Variants in PCDHGA3 observed in about 807,000 individuals in gnomAD.
PCDHGA3 encodes protocadherin gamma subfamily A, 3.
PCDHGA3 carries 40 observed loss-of-function variants against 58.5 expected under a neutral mutation model. That is an observed-to-expected ratio of 0.68 (90% confidence interval 0.53 to 0.89). The LOEUF is 0.89. Ranked by LOEUF, PCDHGA3 falls within the 40% of genes least tolerant of loss-of-function variation. The pLI is 0.00. For missense variants in PCDHGA3, 1,223 were observed against 1,195.9 expected (o/e 1.02, Z -0.33); for synonymous variants, 530 against 525.7 (o/e 1.01, Z -0.11).
At position 141,486,061 on chromosome 5, in the gene PCDHGA3, C is replaced by T. The variant is rs1280895997; in HGVS notation, c.2425-8746C>T. 2 of 1,614,166 alleles carry T rather than the reference C, an allele frequency of 1.2e-6. No individual in the cohort carries two copies. Among genetic ancestry groups the T allele is most frequent in the South Asian group, 1.1e-5 (1 of 91,078 alleles). On this transcript the variant is annotated intron_variant, in intron 1 of 3. Coordinates refer to ENST00000253812, the MANE Select transcript of PCDHGA3 (RefSeq NM_018916.4). The surrounding 1 kb of genome is among the most constrained non-coding windows in gnomAD (Gnocchi z 5.0). ...GTGTAAGAAACCTCTTTAGCCTGCA[C>T]CCCACTACTGGAAAGCTTACTCTTT...
Position 141,432,076 on chromosome 5 carries a change from G to T in PCDHGA3, c.2425-62731G>T. ...CCCTATCCACGGAAACTCATATCTC[G>T]CTGAACGTGGCAGACACCAACGACA... On this transcript the variant is annotated intron_variant, in intron 1 of 3. Transcript: ENST00000253812. This position sits in a 1 kb window ranked among gnomAD's most constrained non-coding sequence, Gnocchi z 6.0. 1.2e-6 allele frequency: 2 copies of T among 1,614,160 alleles called. No homozygotes were observed. Among genetic ancestry groups the T allele is most frequent in the Non-Finnish European group, 1.7e-6 (2 of 1,180,024 alleles).
Position 141,432,701 on chromosome 5 carries a change from G to A in PCDHGA3, c.2425-62106G>A, listed in dbSNP as rs200101512. ...GCAGAGCCTCGTAGTGGCCGTCCAG[G>A]ACCACGGCCAGCCCCCTCTCTCCGC... On this transcript the variant is annotated intron_variant, in intron 1 of 3. Coordinates refer to ENST00000253812, the MANE Select transcript of PCDHGA3 (RefSeq NM_018916.4). This position sits in a 1 kb window ranked among gnomAD's most constrained non-coding sequence, Gnocchi z 6.0. The A allele has an allele frequency of 2.7e-5, 44 of 1,613,842 alleles. No homozygotes were observed. The Admixed American group carries it at 5.3e-4, about 20-fold the overall frequency.
At chr5:141,399,785 A>G (rs748714301) in intron 1 of PCDHGA3, 6 of 1,613,294 alleles carry the variant, frequency 3.7e-6, no homozygotes, top group South Asian at 1.1e-5. Context: ...GACCGAAACG[A>G]CAACGCACCG....
rs775132338 is a variant in PCDHGA3 at position 141,490,858 on chromosome 5, G to A, written c.2425-3949G>A. On this transcript the variant is annotated intron_variant, in intron 1 of 3. Coordinates refer to ENST00000253812, the MANE Select transcript of PCDHGA3 (RefSeq NM_018916.4). This position sits in a 1 kb window ranked among gnomAD's most constrained non-coding sequence, Gnocchi z 5.4. Reference sequence around the variant, plus strand: ...GATTGTGGTGGGGGTTCGAGACTCCGGCTCTCCCCCATTGCATGCCAACAC... The same window carrying A: ...GATTGTGGTGGGGGTTCGAGACTCCAGCTCTCCCCCATTGCATGCCAACAC... 14 of 1,613,704 alleles carry A rather than the reference G, an allele frequency of 8.7e-6. No homozygotes were observed. Among genetic ancestry groups the A allele is most frequent in the South Asian group, 2.2e-5 (2 of 91,068 alleles).
intron 1 of PCDHGA3, among the ~76,000 whole-genome samples, chr5:141,373,744 G>A (rs10061034): frequency 6.6e-6 from 1 of 152,096 alleles, no homozygotes; most frequent in Admixed American, 6.5e-5. Context: ...TCATTATCTT[G>A]GGGAGGGAAA....
At chr5:141,352,188 G>T (rs752131601) in intron 1 of PCDHGA3, 3 of 1,613,874 alleles carry the variant, frequency 1.9e-6, no homozygotes, top group Non-Finnish European at 1.7e-6. Context: ...GTCGCTGTGC[G>T]TGATGGAGGA....
At chr5:141,363,773 T>C (rs1763060078) in intron 1 of PCDHGA3, among the ~76,000 whole-genome samples, 1 of 152,230 alleles carries the variant, frequency 6.6e-6, no homozygotes, top group Non-Finnish European at 1.5e-5. Context: ...AAGCACGTTT[T>C]CCTAAATTTA....
At chr5:141,506,444 CAAAA>C (rs1219684339) in intron 3 of PCDHGA3, among the ~76,000 whole-genome samples, 5 of 95,022 alleles carry the variant, frequency 5.3e-5, no homozygotes, top group Admixed American at 1.1e-4. Context: ...CGCTCTGTCT[CAAAA>C]AAAAAAAAAA....
intron 1 of PCDHGA3, chr5:141,364,429 C>T (rs1297312122): frequency 1.9e-6 from 3 of 1,613,650 alleles, no homozygotes; most frequent in Admixed American, 1.7e-5. Flanking sequence ...AGATCCGCTA[C>T]TCGATGCCGG....
chr5:141,387,718 T>G, intron 1 of PCDHGA3: 1 of 1,099,216 alleles, frequency 9.1e-7, no homozygotes, highest in South Asian at 1.7e-5. Context: ...CAGCTCAGAC[T>G]CCCCAGCGCC....
intron 1 of PCDHGA3, chr5:141,422,152 G>A (rs979405624): frequency 1.3e-5 from 20 of 1,575,764 alleles, no homozygotes; most frequent in Non-Finnish European, 1.5e-5. Flanking sequence ...GGGGTCTCTG[G>A]ATTTTGAAAA....
chr5:141,357,267 C>T, intron 1 of PCDHGA3: 1 of 1,613,834 alleles, frequency 6.2e-7, no homozygotes, highest in Non-Finnish European at 8.5e-7. Context: ...ACTCGGGCCT[C>T]ACACTCTATC....
At chr5:141,467,491 A>T (rs2154569531) in intron 1 of PCDHGA3, among the ~76,000 whole-genome samples, 1 of 152,224 alleles carries the variant, frequency 6.6e-6, no homozygotes, top group Admixed American at 6.5e-5. Flanking sequence ...CCACATTTAG[A>T]TCCCTGATCT....
Position 141,377,206 on chromosome 5 carries a change from C to T in PCDHGA3, c.2424+30749C>T, listed in dbSNP as rs192772101. The T allele has an allele frequency of 1.8e-4, 28 of 152,284 alleles. No individual in the cohort carries two copies. In the East Asian group the frequency reaches 2.5e-3, roughly 14 times the overall value. 9.4% of individuals were successfully genotyped at this position (152,284 alleles called of 1,614,324 possible). ...AACTATTTGTGTCTTGGATTGAGTA[C>T]ATCTCGTTTCTTAGGTTTTTTCCTA... On this transcript the variant is annotated intron_variant, in intron 1 of 3. Coordinates refer to ENST00000253812, the MANE Select transcript of PCDHGA3 (RefSeq NM_018916.4).
chr5:141,360,748 C>T (rs1352122566), intron 1 of PCDHGA3: 10 of 1,613,928 alleles, frequency 6.2e-6, no homozygotes, highest in Non-Finnish European at 8.5e-6. Context: ...CAGAGAAGAG[C>T]ACAGTTTACA....
Position 141,476,340 on chromosome 5 carries a change from G to A in PCDHGA3, c.2425-18467G>A, listed in dbSNP as rs760616287. The A allele has an allele frequency of 2.2e-5, 36 of 1,614,068 alleles. No homozygotes were observed. In the Admixed American group the frequency reaches 2.5e-4, roughly 11 times the overall value. On this transcript the variant is annotated intron_variant, in intron 1 of 3. Transcript: ENST00000253812. The surrounding 1 kb of genome is among the most constrained non-coding windows in gnomAD (Gnocchi z 7.6). The stretch of plus-strand genomic sequence containing the variant: ...CGGGTGGTGTCTGGAGCTAGCCGAA[G>A]ATTCTTTGAGGTGAACCGGGAGACC...
rs1449608526 is a variant in PCDHGA3, at chr5:141,346,343, C to T, written c.2310C>T (p.Phe770=). The T allele has an allele frequency of 4.3e-6, 7 of 1,614,100 alleles. No homozygotes were observed. Among genetic ancestry groups the T allele is most frequent in the South Asian group, 3.3e-5 (3 of 91,090 alleles). ...TADSRKSHLI[F]PQPNYADTLI... is the part of the protein sequence containing the mutation. Reference sequence around the variant, plus strand: ...ACTCGCGGAAGAGCCACCTGATTTTCCCCCAGCCCAACTATGCGGACACGC... The same window carrying T: ...ACTCGCGGAAGAGCCACCTGATTTTTCCCCAGCCCAACTATGCGGACACGC... The change falls in exon 1 of 4, where the codon TTC becomes TTT. Residue 770 remains phenylalanine, a synonymous_variant. Coordinates refer to ENST00000253812, the MANE Select transcript of PCDHGA3 (RefSeq NM_018916.4).
intron 1 of PCDHGA3, chr5:141,395,547 TGTGTGTGTGTGTGTGTGTGTGTGTGTG>T: frequency 5.8e-6 from 1 of 173,894 alleles, no homozygotes; most frequent in Non-Finnish European, 1.2e-5. Flanking sequence ...ATTGTTTGTG[TGTGTGTGTGTGTGTGTGTGTGTGTGTG>T]TGTGTGTGTG....
chr5:141,491,714 C>A lies in PCDHGA3; in HGVS notation c.2425-3093C>A, dbSNP rs1321811999. On this transcript the variant is annotated intron_variant, in intron 1 of 3. Transcript: ENST00000253812. The surrounding 1 kb of genome is among the most constrained non-coding windows in gnomAD (Gnocchi z 6.9). ...GAGCGGAGCCAGGTGAGGGGCTCGG[C>A]GCCGCCCCGGGCGACCCCTGGGGGC... 2 of 1,608,742 alleles carry A rather than the reference C, an allele frequency of 1.2e-6. No individual in the cohort carries two copies. The highest frequency in any genetic ancestry group is 1.7e-6 in the Non-Finnish European group (2 of 1,177,914).
Sources: allele counts gnomAD v4.1 joint callset (sites outside exome capture counted in the v4.1 genomes callset), GRCh38; gene constraint gnomAD v4.1.1; non-coding constraint Gnocchi (gnomAD v3.1); transcripts MANE v1.5; gene names NCBI Gene and HGNC (gene_info 2026-07-23, HGNC 2026-07-21).